The following TMEM239 variants were observed in gnomAD, a reference collection of about 807,000 sequenced individuals.
TMEM239 encodes transmembrane protein 239.
TMEM239 carries 10 observed loss-of-function variants against 14.6 expected under a neutral mutation model. The ratio of observed to expected loss-of-function variants is 0.68; its 90% CI spans 0.42 to 1.16. TMEM239 has a LOEUF of 1.16. Ranked by LOEUF, TMEM239 falls within the 50% of genes most tolerant of loss-of-function variation. The probability of loss-of-function intolerance (pLI) is 0.00; values close to 1 mark genes in which losing one functional copy is unlikely to be tolerated. For synonymous variants in TMEM239, 94 were observed against 89.9 expected, an observed-to-expected ratio of 1.05 and a Z score of -0.26; for missense variants, 183 against 194.4, an observed-to-expected ratio of 0.94 and a Z score of 0.35.
At position 2,816,396 on chromosome 20, in the gene TMEM239, A is replaced by G. The variant is rs552022100; in HGVS notation, c.-31A>G. ...CCTGGGCGCTGCAGGAAGCAACATG[A>G]CTTAGGTAACTGCCCAGAGGTAAGT... is the stretch of plus-strand genomic sequence containing the variant. On this transcript the variant is annotated 5_prime_UTR_variant, in exon 1 of 2. Coordinates refer to ENST00000380585, the MANE Select transcript of TMEM239 (RefSeq NM_001167670.3). 8.5e-6 allele frequency: 13 copies of G among 1,535,774 alleles called. No homozygotes were observed. The East Asian group carries it at 3.2e-4, about 38-fold the overall frequency.
chr20:2,817,354 CT>C lies in TMEM239; in HGVS notation c.*346del. Reference sequence around the variant, plus strand: ...GGGCCCCCTTGGCAACTGACAGCATCTTTTTCTCATAGCCACTCAGCTGTCT... The same window carrying C: ...GGGCCCCCTTGGCAACTGACAGCATCTTTTCTCATAGCCACTCAGCTGTCT... On this transcript the variant is annotated 3_prime_UTR_variant, in exon 2 of 2. Coordinates refer to ENST00000380585, the MANE Select transcript of TMEM239 (RefSeq NM_001167670.3). The C allele has an allele frequency of 2.0e-6, 1 of 491,672 alleles. No homozygotes were observed. The highest frequency in any genetic ancestry group is 3.6e-6 in the Non-Finnish European group (1 of 278,510). 30.5% of individuals were successfully genotyped at this position (491,672 alleles called of 1,614,324 possible).
chr20:2,816,359 C>T (rs1178416304), upstream of TMEM239: 69 of 1,535,862 alleles, frequency 4.5e-5, no homozygotes, highest in Non-Finnish European at 5.9e-5. Flanking sequence ...TTGGATCTGC[C>T]TGCCAGGCCG....
At chr20:2,815,915 A>G (rs939866644), upstream of TMEM239, 7 of 719,150 alleles carry the variant, frequency 9.7e-6, no homozygotes, top group African/African-American at 1.1e-4. Flanking sequence ...CCTATAATAT[A>G]GGTATCAGAT....
rs1243483299 is a variant in TMEM239, at chr20:2,816,808, G to A, written c.254G>A (p.Gly85Asp). Residue 85 changes from glycine (G) to aspartate (D), a missense_variant, in exon 2 of 2, where the codon GGC (glycine) becomes GAC (aspartate). By Grantham distance (94) the Gly-to-Asp change is moderately conservative. Coordinates refer to ENST00000380585, the MANE Select transcript of TMEM239 (RefSeq NM_001167670.3). The stretch of plus-strand genomic sequence containing the variant: ...TTGTGCCATGCACTCTTCACCACTG[G>A]CTCCCACCTGCTGAGCTCCTTGTGG... ...LMLCHALFTT[G>D]SHLLSSLWPV... 6.4e-7 allele frequency: 1 copy of A among 1,550,856 alleles called. No homozygotes were observed. The highest frequency in any genetic ancestry group is 8.7e-7 in the Non-Finnish European group (1 of 1,147,004).
At chr20:2,816,331 G>T, upstream of TMEM239, 1 of 1,535,892 alleles carries the variant, frequency 6.5e-7, no homozygotes, top group Non-Finnish European at 8.7e-7. Context: ...GAGGGTGGGG[G>T]TAGATGAGAG....
In TMEM239 at chr20:2,817,856, C is replaced by T. The variant is rs2146583150; in HGVS notation, c.*843C>T. On this transcript the variant is annotated 3_prime_UTR_variant, in exon 2 of 2. Coordinates refer to ENST00000380585, the MANE Select transcript of TMEM239 (RefSeq NM_001167670.3). ...TGAAGCATTTTGTAGAAGCCAAAAA[C>T]CTGTAAGATGTTGTTTTGAGCTCTA... The T allele has an allele frequency of 6.6e-6, 1 of 152,268 alleles. No individual in the cohort carries two copies. The highest frequency in any genetic ancestry group is 1.9e-4 in the East Asian group (1 of 5,186). 9.4% of individuals were successfully genotyped at this position (152,268 alleles called of 1,614,324 possible). A position where few individuals can be genotyped will look rare whatever the true frequency, so the allele number is the denominator to read the frequency against.
upstream of TMEM239, chr20:2,815,870 T>C (rs1053543294): frequency 3.9e-6 from 4 of 1,030,860 alleles, no homozygotes; most frequent in Non-Finnish European, 5.8e-6. Context: ...GCAGGTGGGA[T>C]GATACCCCTT....
chr20:2,816,327 G>A (rs1309319776), upstream of TMEM239: 3 of 1,535,758 alleles, frequency 2.0e-6, no homozygotes, highest in East Asian at 2.4e-5. Context: ...TGGGGAGGGT[G>A]GGGGTAGATG....
At position 2,817,226 on chromosome 20, in the gene TMEM239, G is replaced by A. The variant is rs1162891345; in HGVS notation, c.*213G>A. The A allele has an allele frequency of 6.1e-6, 4 of 659,030 alleles. No individual in the cohort carries two copies. Among genetic ancestry groups the A allele is most frequent in the South Asian group, 3.9e-5 (2 of 50,910 alleles). 40.8% of individuals were successfully genotyped at this position (659,030 alleles called of 1,614,324 possible). ...TGAGGGGCTGGGGGCTTTGAGAAGAGGGGGCAAGACAGATGGCTTAGCCAT... is the reference window on the plus strand; with the variant it reads ...TGAGGGGCTGGGGGCTTTGAGAAGAAGGGGCAAGACAGATGGCTTAGCCAT... On this transcript the variant is annotated 3_prime_UTR_variant, in exon 2 of 2. Transcript: ENST00000380585.
rs1356483459 is a variant in TMEM239 at position 2,818,020 on chromosome 20, T to G, written c.*1007T>G. On this transcript the variant is annotated 3_prime_UTR_variant, in exon 2 of 2. Transcript: ENST00000380585. ...AATGGTAAACAAGAGGTCGGTTAAG[T>G]GTGTACAAGATGTAAAAGGTCATGT... 2 of 152,192 alleles carry G rather than the reference T, an allele frequency of 1.3e-5. No homozygotes were observed. 9.4% of individuals were successfully genotyped at this position (152,192 alleles called of 1,614,324 possible).
Position 2,816,610 on chromosome 20 carries a change from A to G in TMEM239, c.56A>G (p.Gln19Arg). Residue 19 changes from glutamine to arginine, a missense_variant, in exon 2 of 2, where the codon CAG becomes CGG. Transcript: ENST00000380585. ...TDTIGAGEGP[Q>R]QAVPWSAWVT... ...ACCATCGGGGCTGGCGAGGGGCCAC[A>G]GCAGGCAGTGCCCTGGTCAGCCTGG... 1 of 1,538,312 alleles carries G rather than the reference A, an allele frequency of 6.5e-7. No individual in the cohort carries two copies. Among genetic ancestry groups the G allele is most frequent in the Non-Finnish European group, 8.7e-7 (1 of 1,146,842 alleles).
At chr20:2,819,722 C>T (rs1011978950), downstream of TMEM239, 1 of 151,938 alleles carries the variant, frequency 6.6e-6, no homozygotes, top group Non-Finnish European at 1.5e-5. Flanking sequence ...ATTACAGGCG[C>T]CTGCCACCGA....
At position 2,816,548 on chromosome 20, in the gene TMEM239, A is replaced by G. The variant is rs759926434; in HGVS notation, c.-7A>G. On this transcript the variant is annotated 5_prime_UTR_variant, in exon 2 of 2. Coordinates refer to ENST00000380585, the MANE Select transcript of TMEM239 (RefSeq NM_001167670.3). ...AGACCCTGGCCCTCTCCCCAGGTGCACCAGACATGATGCAGCAGCCGCGAG... is the reference window on the plus strand; with the variant it reads ...AGACCCTGGCCCTCTCCCCAGGTGCGCCAGACATGATGCAGCAGCCGCGAG... 7.8e-7 allele frequency: 1 copy of G among 1,284,370 alleles called. No individual in the cohort carries two copies. Among genetic ancestry groups the G allele is most frequent in the Non-Finnish European group, 1.0e-6 (1 of 996,444 alleles). The allele number at this position is 1,284,370 out of a possible 1,614,324, so 79.6% of individuals were successfully genotyped here. A position where few individuals can be genotyped will look rare whatever the true frequency, so the allele number is the denominator to read the frequency against.
chr20:2,815,916 G>A, upstream of TMEM239: 1 of 715,944 alleles, frequency 1.4e-6, no homozygotes, highest in Non-Finnish European at 2.4e-6. Flanking sequence ...CTATAATATA[G>A]GTATCAGATA....
Position 2,817,345 on chromosome 20 carries a change from T to C in TMEM239, c.*332T>C. The C allele has an allele frequency of 2.0e-6, 1 of 498,864 alleles. No individual in the cohort carries two copies. Among genetic ancestry groups the C allele is most frequent in the Non-Finnish European group, 3.5e-6 (1 of 283,088 alleles). 30.9% of individuals were successfully genotyped at this position (498,864 alleles called of 1,614,324 possible). On this transcript the variant is annotated 3_prime_UTR_variant, in exon 2 of 2. Coordinates refer to ENST00000380585, the MANE Select transcript of TMEM239 (RefSeq NM_001167670.3). ...ATACCCGTGGGGCCCCCTTGGCAAC[T>C]GACAGCATCTTTTTCTCATAGCCAC... is the stretch of plus-strand genomic sequence containing the variant.
chr20:2,816,497 C>CA lies in TMEM239; in HGVS notation c.-11-47_-11-46insA. ...ACCCCTGCACCCCCTCTCTGCCCCC[C>CA]CCCCCCAAGGTCCCAGGCATCTTCA... On this transcript the variant is annotated intron_variant, in intron 1 of 1. Transcript: ENST00000380585. The CA allele has an allele frequency of 2.0e-6, 3 of 1,530,096 alleles. No individual in the cohort carries two copies. The Admixed American group carries it at 5.9e-5, about 30-fold the overall frequency. The allele number at this position is 1,530,096 out of a possible 1,614,324, so 94.8% of individuals were successfully genotyped here. A position where few individuals can be genotyped will look rare whatever the true frequency, so the allele number is the denominator to read the frequency against.
Position 2,817,121 on chromosome 20 carries a change from GCCC to G in TMEM239, c.*109_*111del. On this transcript the variant is annotated 3_prime_UTR_variant, in exon 2 of 2. Coordinates refer to ENST00000380585, the MANE Select transcript of TMEM239 (RefSeq NM_001167670.3). Reference sequence around the variant, plus strand: ...GATCAGGGCTCCCTGCCTTGGCAGGGCCCAGACCCCTAGTCCCTAACAGGTAGA... The same window carrying G: ...GATCAGGGCTCCCTGCCTTGGCAGGGAGACCCCTAGTCCCTAACAGGTAGA... 7.9e-7 allele frequency: 1 copy of G among 1,268,400 alleles called. No homozygotes were observed. Among genetic ancestry groups the G allele is most frequent in the Non-Finnish European group, 1.1e-6 (1 of 930,544 alleles). The allele number at this position is 1,268,400 out of a possible 1,614,324, so 78.6% of individuals were successfully genotyped here. A position where few individuals can be genotyped will look rare whatever the true frequency, so the allele number is the denominator to read the frequency against.
chr20:2,816,412 A>G lies in TMEM239; in HGVS notation c.-15A>G, dbSNP rs2088669752. On this transcript the variant is annotated 5_prime_UTR_variant, in exon 1 of 2. Coordinates refer to ENST00000380585, the MANE Select transcript of TMEM239 (RefSeq NM_001167670.3). ...AGCAACATGACTTAGGTAACTGCCCAGAGGTAAGTCCCAGTCCCTAATTCT... is the reference window on the plus strand; with the variant it reads ...AGCAACATGACTTAGGTAACTGCCCGGAGGTAAGTCCCAGTCCCTAATTCT... 1 of 1,535,848 alleles carries G rather than the reference A, an allele frequency of 6.5e-7. No individual in the cohort carries two copies. The highest frequency in any genetic ancestry group is 1.2e-5 in the South Asian group (1 of 84,050).
chr20:2,818,800 C>A (rs959895730), downstream of TMEM239: 1 of 152,260 alleles, frequency 6.6e-6, no homozygotes, highest in Admixed American at 6.5e-5. Flanking sequence ...AAGGCAAGAA[C>A]CCCTGTCTTA....
Sources: gnomAD v4.1 joint callset for allele counts on GRCh38, gnomAD v4.1.1 for gene constraint, MANE v1.5 for transcripts, NCBI Gene and HGNC (gene_info 2026-07-23, HGNC 2026-07-21) for gene names.